Variants in RBM19 observed in about 807,000 individuals in gnomAD.
RBM19 encodes RNA binding motif protein 19, also known as probable RNA-binding protein 19.
RBM19 carries 94 observed loss-of-function variants against 116.8 expected under a neutral mutation model. The observed-to-expected ratio is 0.80, with a 90% CI of 0.68 to 0.95. RBM19 has a LOEUF of 0.95. Ranked by LOEUF, RBM19 falls within the 40% of genes least tolerant of loss-of-function variation. The pLI is 0.00. For synonymous variants in RBM19, 475 were observed against 494.1 expected (o/e 0.96, Z 0.51); for missense variants, 1,161 against 1,220.7 (o/e 0.95, Z 0.73).
chr12:113,842,945 G>C (rs1208589913), intron 23 of RBM19, among the ~76,000 whole-genome samples: 1 of 152,242 alleles, frequency 6.6e-6, no homozygotes, highest in Non-Finnish European at 1.5e-5. Flanking sequence ...AGTCTGGGAA[G>C]ACCACAGTGT....
At position 113,825,701 on chromosome 12, in the gene RBM19, C is replaced by T. The variant is rs921921427; in HGVS notation, c.2786-2380G>A. 9.2e-5 allele frequency among the ~76,000 whole-genome samples: 14 copies of T among 151,982 alleles called. No individual in the cohort carries two copies. Among genetic ancestry groups the T allele is most frequent in the Non-Finnish European group, 1.8e-4 (12 of 68,012 alleles). On this transcript the variant is annotated intron_variant, in intron 23 of 23. Transcript: ENST00000261741. The surrounding 1 kb of genome is among the most constrained non-coding windows in gnomAD (Gnocchi z 5.7). ...CATCCTGACAACTTGGAGGGACTGGCGAGGGGCGAGTTCTAGCCCCATCCA... is the reference window on the plus strand; with the variant it reads ...CATCCTGACAACTTGGAGGGACTGGTGAGGGGCGAGTTCTAGCCCCATCCA...
At chr12:113,937,984 G>A (rs1223159337) in intron 15 of RBM19, among the ~76,000 whole-genome samples, 1 of 152,120 alleles carries the variant, frequency 6.6e-6, no homozygotes, top group Non-Finnish European at 1.5e-5. Flanking sequence ...GAAACAGATT[G>A]GTGTGCAGAC....
intron 21 of RBM19, among the ~76,000 whole-genome samples, chr12:113,893,488 C>T (rs897144568): frequency 1.3e-5 from 2 of 152,186 alleles, no homozygotes; most frequent in Admixed American, 6.5e-5. Flanking sequence ...CATTTCTCCT[C>T]GCAGTAACAT....
chr12:113,956,301 C>A (rs576355307), intron 6 of RBM19, among the ~76,000 whole-genome samples: 1 of 152,116 alleles, frequency 6.6e-6, no homozygotes, highest in East Asian at 1.9e-4. Context: ...AGGGCTGGGG[C>A]CAGGTGCAGT....
chr12:113,949,658 T>C (rs1396461037), intron 9 of RBM19, among the ~76,000 whole-genome samples: 1 of 152,096 alleles, frequency 6.6e-6, no homozygotes, highest in African/African-American at 2.4e-5. Flanking sequence ...TCCAGGGAAT[T>C]TGCACGTGCT....
At chr12:113,893,398 T>C (rs1266072313) in intron 21 of RBM19, among the ~76,000 whole-genome samples, 1 of 152,202 alleles carries the variant, frequency 6.6e-6, no homozygotes. Context: ...CCAAAAGTGC[T>C]GGGATTACAG....
chr12:113,865,668 A>T (rs1333853841), intron 21 of RBM19, among the ~76,000 whole-genome samples: 4 of 152,194 alleles, frequency 2.6e-5, no homozygotes, highest in Admixed American at 2.0e-4. Context: ...GCATAGTCAC[A>T]CTTGGGGGCA....
chr12:113,940,078 A>G lies in RBM19; in HGVS notation c.1820T>C (p.Phe607Ser). Residue 607 changes from phenylalanine (F) to serine (S), a missense_variant, in exon 15 of 24, where the codon TTC (phenylalanine) becomes TCC (serine). Phe to Ser is a radical substitution (Grantham distance 155). Transcript: ENST00000261741. ...GTLAAQLQET[F>S]GHFGSLGRVL... The stretch of plus-strand genomic sequence containing the variant: ...GCGGCCCAGGCTGCCAAAATGGCCG[A>G]AGGTCTCCTGCAGCTGGGCCGCCAG... 1 of 1,614,092 alleles carries G rather than the reference A, an allele frequency of 6.2e-7. No individual in the cohort carries two copies. Among genetic ancestry groups the G allele is most frequent in the East Asian group, 2.2e-5 (1 of 44,856 alleles).
intron 21 of RBM19, among the ~76,000 whole-genome samples, chr12:113,914,722 G>A (rs980591497): frequency 1.3e-5 from 2 of 152,244 alleles, no homozygotes; most frequent in Admixed American, 1.3e-4. Flanking sequence ...AAGCCTGCCT[G>A]CCCTTTCTCC....
At chr12:113,897,975 A>C (rs1881452531) in intron 21 of RBM19, among the ~76,000 whole-genome samples, 1 of 152,216 alleles carries the variant, frequency 6.6e-6, no homozygotes, top group African/African-American at 2.4e-5. Flanking sequence ...CAAGTAGCAA[A>C]ATGACTAACT....
intron 12 of RBM19, 111 bp from the exon 13 acceptor site, chr12:113,946,035 C>A (rs2135917940): frequency 1.0e-6 from 1 of 975,050 alleles, no homozygotes; most frequent in Non-Finnish European, 1.5e-6. Flanking sequence ...TATCTACATG[C>A]CCCCAATTTC....
intron 6 of RBM19, among the ~76,000 whole-genome samples, chr12:113,956,788 G>A (rs1436689920): frequency 6.6e-6 from 1 of 152,026 alleles, no homozygotes; most frequent in East Asian, 1.9e-4. Flanking sequence ...CTGGGGCTAA[G>A]TCCTGAACCC....
At position 113,962,317 on chromosome 12, in the gene RBM19, C is replaced by A. The variant is rs199590734; in HGVS notation, c.134G>T (p.Gly45Val). 27 of 1,614,110 alleles carry A rather than the reference C, an allele frequency of 1.7e-5. No individual in the cohort carries two copies. The highest frequency in any genetic ancestry group is 2.1e-5 in the Non-Finnish European group (25 of 1,180,060). ...TTCCTCGGACTTGAAGCCAATAAAACCAAACTTGCGGAACTTGCCATCTTT... is the reference window on the plus strand; with the variant it reads ...TTCCTCGGACTTGAAGCCAATAAAAACAAACTTGCGGAACTTGCCATCTTT... ...FTKDGKFRKF[G>V]FIGFKSEEEA... The change falls in exon 2 of 24, where the codon GGT becomes GTT. Residue 45 changes from glycine (G) to valine (V), a missense_variant. Gly to Val is a moderately radical substitution (Grantham distance 109, BLOSUM62 -3). Coordinates refer to ENST00000261741, the MANE Select transcript of RBM19 (RefSeq NM_016196.4).
intron 21 of RBM19, among the ~76,000 whole-genome samples, chr12:113,913,962 G>A (rs183139257): frequency 3.9e-5 from 6 of 152,130 alleles, no homozygotes; most frequent in South Asian, 4.2e-4. Flanking sequence ...TGCCTTGGGT[G>A]GGGGGGCCTT....
chr12:113,870,675 AG>A (rs1879146304), intron 21 of RBM19, among the ~76,000 whole-genome samples: 1 of 152,152 alleles, frequency 6.6e-6, no homozygotes, highest in Non-Finnish European at 1.5e-5. Flanking sequence ...GCAGGGATCA[AG>A]GGAGGGGCAC....
chr12:113,847,069 GA>G (rs564578037), intron 22 of RBM19, among the ~76,000 whole-genome samples: 100 of 152,282 alleles, frequency 6.6e-4, no homozygotes, highest in African/African-American at 2.4e-3. Flanking sequence ...TAGCCCTAGG[GA>G]AAGGACGCAA....
chr12:113,926,286 A>C (rs1402974248), intron 17 of RBM19, among the ~76,000 whole-genome samples: 1 of 152,224 alleles, frequency 6.6e-6, no homozygotes, highest in Non-Finnish European at 1.5e-5. Context: ...TTTAGAAATC[A>C]ATCAGGTCAA....
intron 7 of RBM19, among the ~76,000 whole-genome samples, chr12:113,952,845 C>T (rs1871593219): frequency 2.6e-5 from 4 of 152,198 alleles, no homozygotes; most frequent in Admixed American, 2.6e-4. Flanking sequence ...TCACGATCCG[C>T]ATTTCAAGGC....
In RBM19 at chr12:113,924,729, C is replaced by T. The variant is rs1868901003; in HGVS notation, c.2273G>A (p.Ser758Asn). ...GTTCTTCTTCTTGGAGATGGAGCAG[C>T]TCTTCACTGTCCCCACTTTTGAAAA... is the stretch of plus-strand genomic sequence containing the variant. ...EVFSKVGTVK[S>N]CSISKKKNKA... The change falls in exon 18 of 24, where the codon AGC (serine) becomes AAC (asparagine). Residue 758 changes from serine (S) to asparagine (N), a missense_variant. Transcript: ENST00000261741. The T allele has an allele frequency of 6.4e-7, 1 of 1,553,676 alleles. No homozygotes were observed. The highest frequency in any genetic ancestry group is 1.4e-5 in the African/African-American group (1 of 73,454).
Sources: gnomAD v4.1 joint callset for allele counts (sites outside exome capture counted in the v4.1 genomes callset) on GRCh38, gnomAD v4.1.1 for gene constraint, Gnocchi (gnomAD v3.1) non-coding constraint, MANE v1.5 for transcripts, NCBI Gene and HGNC (gene_info 2026-07-23, HGNC 2026-07-21) for gene names.